The following MTREX variants were observed in gnomAD, a reference collection of about 807,000 sequenced individuals.
The protein encoded by MTREX is Mtr4 exosome RNA helicase, also known as exosome RNA helicase MTR4.
In MTREX, 76 loss-of-function variants were observed where a neutral mutation model predicts 135.4. The ratio of observed to expected loss-of-function variants is 0.56; its 90% CI spans 0.47 to 0.68. The LOEUF is 0.68. Ranked by LOEUF, MTREX falls within the 30% of genes least tolerant of loss-of-function variation. The probability of loss-of-function intolerance (pLI) is 0.00; values close to 1 mark genes in which losing one functional copy is unlikely to be tolerated. For missense variants in MTREX, 920 were observed against 1,262.1 expected (o/e 0.73, Z 4.11); for synonymous variants, 404 against 401.6 (o/e 1.01, Z -0.07).
At chr5:55,310,435 C>G (rs1239120968) in intron 1 of MTREX, among the ~76,000 whole-genome samples, 2 of 152,134 alleles carry the variant, frequency 1.3e-5, no homozygotes, top group South Asian at 2.1e-4. Context: ...TGGCGAAACC[C>G]CATCTCTACT....
chr5:55,333,559 A>G (rs1329633982), intron 5 of MTREX, among the ~76,000 whole-genome samples: 3 of 152,160 alleles, frequency 2.0e-5, no homozygotes, highest in African/African-American at 4.8e-5. Flanking sequence ...GGAAGTTTTC[A>G]TATAGATATG....
At chr5:55,411,021 T>G (rs2111613498) in intron 23 of MTREX, among the ~76,000 whole-genome samples, 1 of 152,294 alleles carries the variant, frequency 6.6e-6, no homozygotes, top group Non-Finnish European at 1.5e-5. Context: ...TGTTGAAGAA[T>G]AATGACGAAG....
Position 55,416,007 on chromosome 5 carries a change from C to G in MTREX, c.2846C>G (p.Ala949Gly). 1 of 1,595,004 alleles carries G rather than the reference C, an allele frequency of 6.3e-7. No homozygotes were observed. Among genetic ancestry groups the G allele is most frequent in the Non-Finnish European group, 8.5e-7 (1 of 1,173,376 alleles). ...AKRIAKVSAE[A>G]KLEIDEETYL... ...AGAATTGCAAAAGTTTCAGCAGAAG[C>G]CAAATTGGAAATTGATGAGGAAACT... Residue 949 changes from alanine (A) to glycine (G), a missense_variant, in exon 25 of 27, where the codon GCC (alanine) becomes GGC (glycine). Physicochemically the swap from Ala to Gly is moderately conservative, Grantham distance 60. Coordinates refer to ENST00000230640, the MANE Select transcript of MTREX (RefSeq NM_015360.5).
chr5:55,343,088 C>T (rs1035850564), intron 7 of MTREX, among the ~76,000 whole-genome samples: 1 of 152,142 alleles, frequency 6.6e-6, no homozygotes, highest in Admixed American at 6.6e-5. Flanking sequence ...AAGATTAACC[C>T]TGGAATTGCT....
At chr5:55,345,866 C>T (rs1325733993) in intron 10 of MTREX, among the ~76,000 whole-genome samples, 1 of 152,020 alleles carries the variant, frequency 6.6e-6, no homozygotes, top group Non-Finnish European at 1.5e-5. Context: ...CGGGGTTTCA[C>T]TGTGTTGGCT....
At chr5:55,405,021 G>T (rs573050081) in intron 21 of MTREX, among the ~76,000 whole-genome samples, 1 of 151,848 alleles carries the variant, frequency 6.6e-6, no homozygotes, top group East Asian at 1.9e-4. Context: ...CACCATGTTG[G>T]CCAGGAACCT....
intron 9 of MTREX, 102 bp from the exon 10 acceptor site, chr5:55,344,991 AT>A (rs1287719311): frequency 2.9e-6 from 2 of 695,804 alleles, no homozygotes; most frequent in African/African-American, 3.6e-5. Context: ...GGCTTTCATT[AT>A]TATACTAAAT....
At chr5:55,402,876 A>G (rs866223324) in intron 21 of MTREX, among the ~76,000 whole-genome samples, 54 of 72,008 alleles carry the variant, frequency 7.5e-4, no homozygotes, top group Middle Eastern at 6.5e-3. Context: ...GTGTGTGTAT[A>G]TATATAATTT....
intron 8 of MTREX, among the ~76,000 whole-genome samples, chr5:55,344,146 A>G (rs1160160917): frequency 6.6e-6 from 1 of 152,098 alleles, no homozygotes; most frequent in African/African-American, 2.4e-5. Flanking sequence ...TAAGGTTTTG[A>G]AAAGCCTGGG....
chr5:55,405,796 T>C (rs936783350), intron 22 of MTREX, among the ~76,000 whole-genome samples: 3 of 152,164 alleles, frequency 2.0e-5, no homozygotes, highest in Admixed American at 6.5e-5. Context: ...CTTAAAAATA[T>C]AAAGTTTGTA....
chr5:55,360,153 A>G (rs1402417282), intron 15 of MTREX, among the ~76,000 whole-genome samples: 1 of 152,130 alleles, frequency 6.6e-6, no homozygotes, highest in Non-Finnish European at 1.5e-5. Flanking sequence ...TTCTGTCTCT[A>G]TGGATTTGTC....
At chr5:55,372,785 G>A (rs1343064791) in intron 16 of MTREX, among the ~76,000 whole-genome samples, 4 of 152,088 alleles carry the variant, frequency 2.6e-5, no homozygotes, top group African/African-American at 4.8e-5. Context: ...ACATAGGTGT[G>A]AATTTACGTA....
At chr5:55,362,659 C>T (rs1308428786) in intron 15 of MTREX, among the ~76,000 whole-genome samples, 5 of 152,102 alleles carry the variant, frequency 3.3e-5, no homozygotes, top group African/African-American at 1.2e-4. Flanking sequence ...CCACGCCCAG[C>T]CAAGACAGCA....
intron 5 of MTREX, among the ~76,000 whole-genome samples, chr5:55,338,780 C>CTTTTT (rs1749594064): frequency 8.8e-6 from 1 of 114,202 alleles, no homozygotes; most frequent in African/African-American, 3.7e-5. Flanking sequence ...TGTAGACTTT[C>CTTTTT]TTTTTCTTTT....
At chr5:55,383,208 G>C (rs1474759993) in intron 18 of MTREX, among the ~76,000 whole-genome samples, 1 of 152,058 alleles carries the variant, frequency 6.6e-6, no homozygotes, top group Non-Finnish European at 1.5e-5. Flanking sequence ...AATCATTGAA[G>C]AGAAAAAGAC....
intron 16 of MTREX, among the ~76,000 whole-genome samples, chr5:55,375,294 A>G (rs1018404803): frequency 2.6e-5 from 4 of 152,170 alleles, no homozygotes; most frequent in African/African-American, 9.7e-5. Context: ...TGGGAGCGCT[A>G]TGGGAGACTG....
chr5:55,322,498 C>T, intron 2 of MTREX, 34 bp downstream of exon 2: 1 of 1,500,700 alleles, frequency 6.7e-7, no homozygotes, highest in Non-Finnish European at 8.9e-7. Flanking sequence ...GTTAGTAACT[C>T]ATAATTCAGG....
At chr5:55,337,363 T>G (rs1409515830) in intron 5 of MTREX, among the ~76,000 whole-genome samples, 2 of 152,176 alleles carry the variant, frequency 1.3e-5, no homozygotes, top group African/African-American at 4.8e-5. Flanking sequence ...CAGACTGGTC[T>G]TGAACTTCTG....
chr5:55,365,433 A>G (rs1750086467), intron 15 of MTREX, among the ~76,000 whole-genome samples: 1 of 152,160 alleles, frequency 6.6e-6, no homozygotes, highest in Admixed American at 6.5e-5. Flanking sequence ...GACACAGATG[A>G]GAAGTCTCCC....
Sources: allele counts gnomAD v4.1 joint callset (sites outside exome capture counted in the v4.1 genomes callset), GRCh38; gene constraint gnomAD v4.1.1; transcripts MANE v1.5; gene names NCBI Gene and HGNC (gene_info 2026-07-23, HGNC 2026-07-21).